The following TBC1D5 variants were observed in gnomAD, a reference collection of about 807,000 sequenced individuals.
The protein encoded by TBC1D5 is TBC1 domain family, member 5.
Under a neutral mutation model 100.3 loss-of-function variants are expected in TBC1D5, and 75 were observed. The ratio of observed to expected loss-of-function variants is 0.75; its 90% CI spans 0.62 to 0.91. TBC1D5 has a LOEUF of 0.91. TBC1D5 is among the 40% of genes least tolerant of loss of function. TBC1D5 has a pLI of 0.00. For synonymous variants in TBC1D5, 323 were observed against 325.6 expected, an observed-to-expected ratio of 0.99 and a Z score of 0.09; for missense variants, 910 against 942.4, an observed-to-expected ratio of 0.97 and a Z score of 0.45.
intron 18 of TBC1D5, among the ~76,000 whole-genome samples, chr3:17,209,204 G>C (rs1215849732): frequency 6.6e-6 from 1 of 152,222 alleles, no homozygotes; most frequent in Non-Finnish European, 1.5e-5. Flanking sequence ...CTGGAGTGCA[G>C]TGGCACAGTC....
chr3:17,564,260 T>C (rs982166201), intron 2 of TBC1D5, among the ~76,000 whole-genome samples: 2 of 152,174 alleles, frequency 1.3e-5, no homozygotes. Context: ...TACTTAAAAG[T>C]TGAAAAACTT....
intron 1 of TBC1D5, among the ~76,000 whole-genome samples, chr3:17,738,343 A>G (rs1011081428): frequency 5.9e-5 from 9 of 152,098 alleles, no homozygotes; most frequent in African/African-American, 1.9e-4. Flanking sequence ...TCTATCACTT[A>G]CGTGATAGCA....
At chr3:17,284,396 C>G (rs537929823) in intron 15 of TBC1D5, among the ~76,000 whole-genome samples, 2 of 152,256 alleles carry the variant, frequency 1.3e-5, no homozygotes, top group East Asian at 3.9e-4. Context: ...GGATTACAGG[C>G]GTGAGCCACC....
At chr3:17,706,331 G>GT in intron 1 of TBC1D5, 2 of 1,352,814 alleles carry the variant, frequency 1.5e-6, no homozygotes, top group Non-Finnish European at 2.0e-6. Flanking sequence ...GTATACCTTT[G>GT]TGAAAGAGCA....
chr3:17,448,549 G>GA (rs1312024952), intron 3 of TBC1D5, among the ~76,000 whole-genome samples: 1 of 152,236 alleles, frequency 6.6e-6, no homozygotes, highest in African/African-American at 2.4e-5. Flanking sequence ...AGGGGCTGCA[G>GA]AATGGATGCC....
At chr3:17,570,894 A>T (rs2096623134) in intron 2 of TBC1D5, among the ~76,000 whole-genome samples, 1 of 152,020 alleles carries the variant, frequency 6.6e-6, no homozygotes, top group Non-Finnish European at 1.5e-5. Flanking sequence ...AGTTGTTTAC[A>T]TGTATTTAAT....
At chr3:17,281,088 C>T (rs1031637833) in intron 15 of TBC1D5, among the ~76,000 whole-genome samples, 10 of 152,192 alleles carry the variant, frequency 6.6e-5, no homozygotes, top group Admixed American at 5.2e-4. Flanking sequence ...CCAGAGAGGG[C>T]ACACCAGTTC....
intron 2 of TBC1D5, among the ~76,000 whole-genome samples, chr3:17,620,350 G>A (rs562437841): frequency 1.1e-4 from 17 of 152,308 alleles, no homozygotes; most frequent in East Asian, 5.8e-4. Flanking sequence ...GTAAAACTAC[G>A]AAAGTAAGTA....
chr3:17,341,346 G>A (rs988553588), intron 13 of TBC1D5, among the ~76,000 whole-genome samples: 15 of 152,016 alleles, frequency 9.9e-5, no homozygotes, highest in South Asian at 4.2e-4. Flanking sequence ...ACAGGCGGCC[G>A]CCACCACGCC....
At chr3:17,569,528 A>C (rs145100605) in intron 2 of TBC1D5, among the ~76,000 whole-genome samples, 2 of 151,770 alleles carry the variant, frequency 1.3e-5, no homozygotes, top group Non-Finnish European at 3.0e-5. Context: ...ATTTGAATTT[A>C]ATTTTAAATA....
intron 1 of TBC1D5, among the ~76,000 whole-genome samples, chr3:17,684,227 T>C (rs561197505): frequency 2.4e-4 from 36 of 152,132 alleles, no homozygotes; most frequent in South Asian, 1.2e-3. Context: ...TCTAAATCCA[T>C]GTATATAAAT....
intron 18 of TBC1D5, among the ~76,000 whole-genome samples, chr3:17,198,151 A>T (rs1331438746): frequency 6.6e-6 from 1 of 152,228 alleles, no homozygotes; most frequent in Non-Finnish European, 1.5e-5. Flanking sequence ...TAGTCTAGAC[A>T]TCATGGTATC....
intron 14 of TBC1D5, among the ~76,000 whole-genome samples, chr3:17,297,514 T>G (rs1183271257): frequency 6.6e-6 from 1 of 151,514 alleles, no homozygotes; most frequent in African/African-American, 2.4e-5. Context: ...AAGTGGAGGT[T>G]GCAGTGAGCC....
chr3:17,677,227 G>C (rs1281562555), intron 1 of TBC1D5, among the ~76,000 whole-genome samples: 1 of 152,062 alleles, frequency 6.6e-6, no homozygotes, highest in Non-Finnish European at 1.5e-5. Context: ...CCTATAGAAT[G>C]GGAAAAAATT....
rs1575760850 is a variant in TBC1D5 at position 17,177,971 on chromosome 3, G to A, written c.1852+7138C>T. On this transcript the variant is annotated intron_variant, in intron 19 of 21. Transcript: ENST00000253692. Reference sequence around the variant, plus strand: ...AAATAAGAGAGAACATGAAAAGTTTGTCTTTCTGTGCCTGGCTTATTTAAT... The same window carrying A: ...AAATAAGAGAGAACATGAAAAGTTTATCTTTCTGTGCCTGGCTTATTTAAT... Among the ~76,000 whole-genome samples, 5 of 151,452 alleles carry A rather than the reference G, an allele frequency of 3.3e-5. No homozygotes were observed. In the South Asian group the frequency reaches 8.3e-4, roughly 25 times the overall value.
At chr3:17,499,694 A>C (rs2095760796) in intron 3 of TBC1D5, among the ~76,000 whole-genome samples, 2 of 149,062 alleles carry the variant, frequency 1.3e-5, no homozygotes, top group African/African-American at 5.1e-5. Flanking sequence ...TCTCCAAAAA[A>C]AAAAAAAAAT....
chr3:17,563,098 TAGTG>T (rs1395062421), intron 2 of TBC1D5, among the ~76,000 whole-genome samples: 1 of 152,206 alleles, frequency 6.6e-6, no homozygotes, highest in Non-Finnish European at 1.5e-5. Context: ...GGATTAGTTA[TAGTG>T]AGTAAGAGAG....
rs149199354 is a variant in TBC1D5, at chr3:17,250,972, T to C, written c.1331+7534A>G. Among the ~76,000 whole-genome samples, 524 of 152,266 alleles carry C rather than the reference T, an allele frequency of 3.4e-3. 4 individuals are homozygous for C. Among genetic ancestry groups the C allele is most frequent in the African/African-American group, 0.011 (476 of 41,554 alleles). ...CCACAACTAGTAAAAGAAATGAAAA[T>C]TGAAGCAACAAAAAGTTTCAGCTTT... is the stretch of plus-strand genomic sequence containing the variant. On this transcript the variant is annotated intron_variant, in intron 16 of 21. Coordinates refer to ENST00000253692, the Ensembl canonical transcript of TBC1D5.
At chr3:17,167,878 A>G (rs1405475415) in intron 19 of TBC1D5, 50 bp from the exon 21 acceptor site, 1 of 1,276,520 alleles carries the variant, frequency 7.8e-7, no homozygotes, top group Non-Finnish European at 1.1e-6. Flanking sequence ...AGCATAACCT[A>G]CCTGCTGCCA....
Sources: allele counts gnomAD v4.1 joint callset (sites outside exome capture counted in the v4.1 genomes callset), GRCh38; gene constraint gnomAD v4.1.1; transcripts MANE v1.5; gene names NCBI Gene and HGNC (gene_info 2026-07-23, HGNC 2026-07-21).